SGO2: variants seen among roughly 807,000 people sequenced by gnomAD.
The protein encoded by SGO2 is shugoshin-like 2.
In SGO2, 68 loss-of-function variants were observed where a neutral mutation model predicts 99.5. That is an observed-to-expected ratio of 0.68 (90% confidence interval 0.56 to 0.84). The LOEUF (loss-of-function observed/expected upper bound fraction) is 0.84. Ranked by LOEUF, SGO2 falls within the 40% of genes least tolerant of loss-of-function variation. The pLI is 0.00. For missense variants in SGO2, 1,350 were observed against 1,436.7 expected (o/e 0.94, Z 0.97); for synonymous variants, 457 against 487.1 (o/e 0.94, Z 0.81).
In SGO2 at chr2:200,542,729, T is replaced by C. The variant is rs920867369; in HGVS notation, c.473+65T>C. 27 of 1,363,584 alleles carry C rather than the reference T, an allele frequency of 2.0e-5. No individual in the cohort carries two copies. The Admixed American group carries it at 4.8e-4, about 24-fold the overall frequency. The allele number at this position is 1,363,584 out of a possible 1,614,324, so 84.5% of individuals were successfully genotyped here. On this transcript the variant is annotated intron_variant, in intron 5 of 8. Transcript: ENST00000357799. ...GATTTTATATAACACAATTAGTGTT[T>C]GTGTGTATTGTACAGTGTTCAGGAT...
rs765071068 is a variant in SGO2 at position 200,575,356 on chromosome 2, A to G, written c.3677A>G (p.Asn1226Ser). ...TTGTCAAATACCAGTTTTGTTTCAA[A>G]TAACACTGCTGAATCTGAAAATAAG... Reference protein sequence around the residue: ...QDLSNTSFVSNNTAESENKSE... With the variant: ...QDLSNTSFVSSNTAESENKSE... Residue 1226 changes from asparagine to serine, a missense_variant, in exon 8 of 9, where the codon AAT becomes AGT. By Grantham distance (46) the Asn-to-Ser change is conservative (BLOSUM62 1). Transcript: ENST00000357799. The G allele has an allele frequency of 2.5e-6, 4 of 1,608,386 alleles. No individual in the cohort carries two copies. The highest frequency in any genetic ancestry group is 3.4e-6 in the Non-Finnish European group (4 of 1,176,326).
In SGO2 at chr2:200,571,341, T is replaced by C; in HGVS notation, c.995T>C (p.Leu332Ser). Residue 332 changes from leucine (L) to serine (S), a missense_variant, in exon 7 of 9, where the codon TTA (leucine) becomes TCA (serine). Transcript: ENST00000357799. ...AGAAATAAACAGGATCTTCCTGGCT[T>C]ATCTTCTGAGTCTGCCAGAGAACCT... ...MQRNKQDLPG[L>S]SSESAREPNA... 6.2e-7 allele frequency: 1 copy of C among 1,612,906 alleles called. No homozygotes were observed.
chr2:200,557,354 C>G (rs560697653), intron 5 of SGO2, among the ~76,000 whole-genome samples: 4 of 152,148 alleles, frequency 2.6e-5, no homozygotes, highest in Admixed American at 2.6e-4. Context: ...GCCTCTAACC[C>G]AATCCCATCC....
Position 200,536,399 on chromosome 2 carries a change from C to G in SGO2, c.387+257C>G, listed in dbSNP as rs1574836957. The stretch of plus-strand genomic sequence containing the variant: ...TGGAACATACTGGCTCCTAAATGGA[C>G]TCAGAAACATAAAGACATTAGTAGA... On this transcript the variant is annotated intron_variant, in intron 4 of 8. Coordinates refer to ENST00000357799, the MANE Select transcript of SGO2 (RefSeq NM_152524.6). Among the ~76,000 whole-genome samples the G allele has an allele frequency of 2.0e-5, 3 of 152,138 alleles. No homozygotes were observed. In the Middle Eastern group the frequency reaches 0.01, roughly 517 times the overall value.
chr2:200,551,970 A>C (rs1326533710), intron 5 of SGO2, among the ~76,000 whole-genome samples: 2 of 152,166 alleles, frequency 1.3e-5, no homozygotes, highest in Non-Finnish European at 2.9e-5. Context: ...TTGCATTTAC[A>C]CTTGAATTTT....
chr2:200,535,264 C>T (rs2031637724), intron 3 of SGO2, 93 bp downstream of exon 3: 4 of 1,161,216 alleles, frequency 3.4e-6, no homozygotes, highest in South Asian at 3.8e-5. Flanking sequence ...TTCAAATCTC[C>T]AATAGTGAAA....
At chr2:200,527,515 G>A (rs2031156815) in intron 1 of SGO2, among the ~76,000 whole-genome samples, 2 of 152,184 alleles carry the variant, frequency 1.3e-5, no homozygotes, top group Admixed American at 6.5e-5. Flanking sequence ...AATCTTGAAA[G>A]GTTTCTGGTT....
intron 1 of SGO2, among the ~76,000 whole-genome samples, chr2:200,527,768 A>G (rs1018389842): frequency 1.3e-5 from 2 of 152,256 alleles, no homozygotes; most frequent in South Asian, 2.1e-4. Context: ...ACAAAAGTTT[A>G]TGCCCTCATT....
chr2:200,531,103 GTCTTT>G (rs1385001460), intron 1 of SGO2, among the ~76,000 whole-genome samples: 64 of 141,846 alleles, frequency 4.5e-4, no homozygotes, highest in Non-Finnish European at 7.3e-4. Context: ...TTGGAGTGAT[GTCTTT>G]AAGGAGGCAG....
Position 200,573,701 on chromosome 2 carries a change from T to A in SGO2, c.3355T>A (p.Leu1119Met), listed in dbSNP as rs747686731. The A allele has an allele frequency of 2.7e-5, 43 of 1,612,858 alleles. No homozygotes were observed. The Admixed American group carries it at 2.8e-4, about 11-fold the overall frequency. Residue 1119 changes from leucine (L) to methionine (M), a missense_variant, in exon 7 of 9, where the codon TTG becomes ATG. Transcript: ENST00000357799. Reference sequence around the variant, plus strand: ...TGAACAAGCTGATAAGGAAAACAATTTGGAGAATGAGAAAATGGTCAAAAA... The same window carrying A: ...TGAACAAGCTGATAAGGAAAACAATATGGAGAATGAGAAAATGGTCAAAAA... The part of the protein sequence containing the change: ...VSEQADKENN[L>M]ENEKMVKNKP...
chr2:200,583,321 T>C, intron 8 of SGO2, 128 bp from the exon 9 acceptor site: 1 of 646,852 alleles, frequency 1.5e-6, no homozygotes, highest in Non-Finnish European at 2.5e-6. Context: ...TTCAAGTATT[T>C]AACAAAGCTT....
In SGO2 at chr2:200,572,499, G is replaced by T; in HGVS notation, c.2153G>T (p.Arg718Leu). The change falls in exon 7 of 9, where the codon CGG becomes CTG. Residue 718 changes from arginine (R) to leucine (L), a missense_variant. Transcript: ENST00000357799. ...AAGAAGCTTAGGCAGAAAGTAAATC[G>T]GAAGACAGAAATAATTTCTGAAGTG... ...VNKKLRQKVNRKTEIISEVNH... is the reference protein window; with the variant it reads ...VNKKLRQKVNLKTEIISEVNH... The T allele has an allele frequency of 6.2e-7, 1 of 1,612,430 alleles. No individual in the cohort carries two copies. The highest frequency in any genetic ancestry group is 8.5e-7 in the Non-Finnish European group (1 of 1,179,032).
chr2:200,558,315 T>G (rs1158038207), intron 5 of SGO2, among the ~76,000 whole-genome samples: 1 of 152,230 alleles, frequency 6.6e-6, no homozygotes, highest in African/African-American at 2.4e-5. Context: ...TCTTTGTACT[T>G]TCAGTTTGCT....
At chr2:200,560,001 G>A (rs914261889) in intron 5 of SGO2, among the ~76,000 whole-genome samples, 6 of 152,140 alleles carry the variant, frequency 3.9e-5, no homozygotes, top group Middle Eastern at 3.2e-3. Context: ...TGAAAAAAAT[G>A]TGTAGTTTGC....
intron 8 of SGO2, among the ~76,000 whole-genome samples, chr2:200,582,437 A>G (rs2033867891): frequency 6.6e-6 from 1 of 152,140 alleles, no homozygotes; most frequent in African/African-American, 2.4e-5. Context: ...AGAGCAAACT[A>G]AAAATAACCT....
Position 200,571,849 on chromosome 2 carries a change from G to A in SGO2, c.1503G>A (p.Glu501=), listed in dbSNP as rs762109836. 6.2e-7 allele frequency: 1 copy of A among 1,613,360 alleles called. No individual in the cohort carries two copies. The highest frequency in any genetic ancestry group is 1.1e-5 in the South Asian group (1 of 90,986). The part of the protein sequence containing the change: ...KKEKRITNEQ[E]ETYSLSQSSG... ...AGAAAAGAATAACAAATGAGCAAGA[G>A]GAAACATACTCTTTATCCCAAAGTT... Residue 501 remains glutamate (E), a synonymous_variant, in exon 7 of 9, where the codon GAG becomes GAA. Transcript: ENST00000357799.
intron 5 of SGO2, among the ~76,000 whole-genome samples, chr2:200,555,130 T>C (rs1361933544): frequency 2.0e-5 from 3 of 152,230 alleles, no homozygotes; most frequent in Non-Finnish European, 2.9e-5. Flanking sequence ...CAAAAAGATA[T>C]TCACATTCCC....
intron 1 of SGO2, among the ~76,000 whole-genome samples, chr2:200,527,371 T>C (rs976725353): frequency 1.3e-5 from 2 of 152,228 alleles, no homozygotes; most frequent in African/African-American, 4.8e-5. Context: ...ATTTCTATGT[T>C]AGGATCCCTT....
intron 8 of SGO2, among the ~76,000 whole-genome samples, chr2:200,579,871 G>A (rs764386093): frequency 2.6e-5 from 4 of 152,226 alleles, no homozygotes; most frequent in African/African-American, 9.6e-5. Context: ...AGGGAATCAA[G>A]AAAGTCACCA....
Sources: allele counts gnomAD v4.1 joint callset (sites outside exome capture counted in the v4.1 genomes callset), GRCh38; gene constraint gnomAD v4.1.1; transcripts MANE v1.5; gene names NCBI Gene and HGNC (gene_info 2026-07-23, HGNC 2026-07-21).